The following SGCZ variants were observed in gnomAD, a reference collection of about 807,000 sequenced individuals.
SGCZ encodes zeta-sarcoglycan.
A neutral mutation model predicts 41.3 loss-of-function variants in SGCZ; 40 were observed. The observed-to-expected ratio is 0.97, with a 90% CI of 0.75 to 1.26. SGCZ has a LOEUF of 1.26. SGCZ is among the 50% of genes most tolerant of loss of function. The pLI, the probability that SGCZ is intolerant of heterozygous loss-of-function variation, is 0.00. For missense variants in SGCZ, 552 were observed against 369.8 expected (o/e 1.49, Z -4.04); for synonymous variants, 206 against 137.5 (o/e 1.50, Z -3.49).
At chr8:14,793,910 A>T (rs1284880410) in intron 1 of SGCZ, among the ~76,000 whole-genome samples, 6 of 152,178 alleles carry the variant, frequency 3.9e-5, no homozygotes, top group Non-Finnish European at 8.8e-5. Context: ...GAAATGCAAA[A>T]TTCTAAAACT....
chr8:14,631,820 C>T (rs1224293557), intron 1 of SGCZ, among the ~76,000 whole-genome samples: 8 of 151,946 alleles, frequency 5.3e-5, no homozygotes, highest in Admixed American at 2.6e-4. Context: ...ACTTGAGAGG[C>T]CTTTAATACA....
At chr8:14,813,331 T>G (rs1801791009) in intron 1 of SGCZ, among the ~76,000 whole-genome samples, 1 of 152,062 alleles carries the variant, frequency 6.6e-6, no homozygotes, top group South Asian at 2.1e-4. Context: ...GTTAGAAAAA[T>G]AAATCTGAAT....
intron 1 of SGCZ, among the ~76,000 whole-genome samples, chr8:14,941,512 C>G (rs1800274442): frequency 1.3e-5 from 2 of 151,990 alleles, no homozygotes; most frequent in African/African-American, 4.8e-5. Flanking sequence ...ATTTTCATAA[C>G]AGCCTCTTAA....
chr8:15,236,539 G>A (rs1802127065), intron 1 of SGCZ, among the ~76,000 whole-genome samples: 1 of 152,182 alleles, frequency 6.6e-6, no homozygotes, highest in African/African-American at 2.4e-5. Context: ...AAAGAAGGGT[G>A]GAGGATTTCA....
intron 2 of SGCZ, 46 bp from the exon 3 acceptor site, chr8:14,324,250 G>T (rs775181967): frequency 1.4e-6 from 2 of 1,380,508 alleles, no homozygotes; most frequent in South Asian, 2.3e-5. Context: ...ATTGGAGAAT[G>T]AATATCTGGC....
chr8:14,469,570 G>A (rs1232609884), intron 2 of SGCZ, among the ~76,000 whole-genome samples: 1 of 151,992 alleles, frequency 6.6e-6, no homozygotes, highest in Non-Finnish European at 1.5e-5. Flanking sequence ...TCTTTGAAGT[G>A]GTGTCTCTTT....
At chr8:14,977,267 C>T (rs906904786) in intron 1 of SGCZ, among the ~76,000 whole-genome samples, 1 of 152,170 alleles carries the variant, frequency 6.6e-6, no homozygotes, top group Non-Finnish European at 1.5e-5. Flanking sequence ...CCGGTGAGAA[C>T]TCACCCTTGC....
At chr8:14,283,760 A>G (rs1395405231) in intron 3 of SGCZ, among the ~76,000 whole-genome samples, 5 of 152,188 alleles carry the variant, frequency 3.3e-5, no homozygotes, top group Admixed American at 1.3e-4. Flanking sequence ...TATGGTCTCT[A>G]TCATAACTAC....
intron 2 of SGCZ, among the ~76,000 whole-genome samples, chr8:14,453,160 C>A (rs1426232173): frequency 6.6e-6 from 1 of 152,026 alleles, no homozygotes; most frequent in East Asian, 1.9e-4. Context: ...ACATTATATA[C>A]ATCCTGGACA....
At chr8:14,268,825 C>T (rs1389378795) in intron 3 of SGCZ, among the ~76,000 whole-genome samples, 1 of 151,882 alleles carries the variant, frequency 6.6e-6, no homozygotes, top group South Asian at 2.1e-4. Context: ...ACATCCTCAT[C>T]TGAATTCTTG....
At chr8:14,467,802 A>C (rs921209608) in intron 2 of SGCZ, among the ~76,000 whole-genome samples, 1 of 152,208 alleles carries the variant, frequency 6.6e-6, no homozygotes, top group African/African-American at 2.4e-5. Context: ...CTGTAATAGT[A>C]TTTAAATAGG....
intron 5 of SGCZ, among the ~76,000 whole-genome samples, chr8:14,152,614 G>C (rs756453903): frequency 1.3e-5 from 2 of 152,032 alleles, no homozygotes; most frequent in Non-Finnish European, 2.9e-5. Context: ...TAATCATTCT[G>C]CAAAAAAAGT....
intron 1 of SGCZ, among the ~76,000 whole-genome samples, chr8:15,011,706 C>T (rs780701197): frequency 3.3e-5 from 5 of 152,110 alleles, no homozygotes; most frequent in African/African-American, 7.2e-5. Flanking sequence ...TCTGTATGTT[C>T]TGTACTCTGC....
chr8:15,176,633 A>G (rs1401580047), intron 1 of SGCZ, among the ~76,000 whole-genome samples: 1 of 152,230 alleles, frequency 6.6e-6, no homozygotes, highest in Non-Finnish European at 1.5e-5. Context: ...TTGAAAATAT[A>G]TACTTAGAAA....
intron 1 of SGCZ, among the ~76,000 whole-genome samples, chr8:15,148,258 G>A (rs1208130760): frequency 6.6e-6 from 1 of 152,142 alleles, no homozygotes; most frequent in Admixed American, 6.5e-5. Context: ...GTCAATATTG[G>A]GGAAATAGTA....
At chr8:14,758,717 C>T (rs560164284) in intron 1 of SGCZ, among the ~76,000 whole-genome samples, 1 of 152,140 alleles carries the variant, frequency 6.6e-6, no homozygotes, top group East Asian at 1.9e-4. Flanking sequence ...TCTTAAAATT[C>T]TTTACAGTAG....
intron 2 of SGCZ, among the ~76,000 whole-genome samples, chr8:14,554,348 C>A (rs542357282): frequency 1.6e-3 from 236 of 151,988 alleles, no homozygotes; most frequent in African/African-American, 5.5e-3. Flanking sequence ...AATTCAAAGG[C>A]ACATATGATT....
chr8:14,466,480 C>G (rs1253725829), intron 2 of SGCZ, among the ~76,000 whole-genome samples: 1 of 151,912 alleles, frequency 6.6e-6, no homozygotes, highest in Non-Finnish European at 1.5e-5. Context: ...CTTGGAGCCA[C>G]TGAGCTCCTT....
At chr8:14,649,778 G>T (rs1807338135) in intron 1 of SGCZ, among the ~76,000 whole-genome samples, 1 of 152,042 alleles carries the variant, frequency 6.6e-6, no homozygotes, top group African/African-American at 2.4e-5. Flanking sequence ...TTTTCCAGAA[G>T]GAAAGATGAC....
Sources: gnomAD v4.1 joint callset for allele counts (sites outside exome capture counted in the v4.1 genomes callset) on GRCh38, gnomAD v4.1.1 for gene constraint, MANE v1.5 for transcripts, NCBI Gene and HGNC (gene_info 2026-07-23, HGNC 2026-07-21) for gene names.